The following SEMA7A variants were observed in gnomAD, a reference collection of about 807,000 sequenced individuals.
SEMA7A encodes the protein semaphorin-7A.
Under a neutral mutation model 67.5 loss-of-function variants are expected in SEMA7A, and 21 were observed. The ratio of observed to expected loss-of-function variants is 0.31; its 90% CI spans 0.22 to 0.45. SEMA7A has a LOEUF of 0.45. SEMA7A is among the 20% of genes least tolerant of loss of function. The pLI is 1.00. For synonymous variants in SEMA7A, 364 were observed against 368.5 expected (o/e 0.99, Z 0.14); for missense variants, 774 against 908.6 (o/e 0.85, Z 1.90).
intron 7 of SEMA7A, 110 bp from the exon 8 acceptor site, chr15:74,416,095 C>T (rs536103613): frequency 2.5e-6 from 3 of 1,212,778 alleles, no homozygotes; most frequent in Admixed American, 2.1e-5. Context: ...AGGAGGAAGG[C>T]AGGCTGTGAG....
rs985178735 is a variant in SEMA7A at position 74,417,810 on chromosome 15, C to T, written c.465+67G>A. ...TGGAGTCTCGCCATCTCCTTCCCAC[C>T]ATGAGGGGCAGAAGCCCACGCAGTA... On this transcript the variant is annotated intron_variant, in intron 4 of 13. Transcript: ENST00000261918. 10 of 1,579,396 alleles carry T rather than the reference C, an allele frequency of 6.3e-6. No homozygotes were observed. In the African/African-American group the frequency reaches 1.3e-4, roughly 21 times the overall value.
intron 1 of SEMA7A, among the ~76,000 whole-genome samples, chr15:74,430,300 C>T (rs770138257): frequency 9.9e-5 from 15 of 152,168 alleles, no homozygotes; most frequent in Non-Finnish European, 2.1e-4. Context: ...CCAGATTTCT[C>T]GAAATCTAAG....
intron 8 of SEMA7A, 26 bp downstream of exon 8, chr15:74,415,775 C>T (rs746508245): frequency 3.8e-6 from 6 of 1,594,180 alleles, no homozygotes; most frequent in Non-Finnish European, 5.1e-6. Flanking sequence ...AATGCCAGCC[C>T]CGGCCCCAGG....
In SEMA7A at chr15:74,411,221, C is replaced by T. The variant is rs2060896846; in HGVS notation, c.1639+74G>A. ...CCACAGGACAAGGCCATGTCTCCCT[C>T]AGACCAGGACAATCAGGGCAGGGCA... On this transcript the variant is annotated intron_variant, in intron 13 of 13. Coordinates refer to ENST00000261918, the MANE Select transcript of SEMA7A (RefSeq NM_003612.5). The surrounding 1 kb of genome is among the most constrained non-coding windows in gnomAD (Gnocchi z 4.4). 1 of 1,513,270 alleles carries T rather than the reference C, an allele frequency of 6.6e-7. No homozygotes were observed. Among genetic ancestry groups the T allele is most frequent in the South Asian group, 1.2e-5 (1 of 82,266 alleles). The allele number at this position is 1,513,270 out of a possible 1,614,324, so 93.7% of individuals were successfully genotyped here.
chr15:74,414,000 G>A (rs2060923785), intron 10 of SEMA7A, among the ~76,000 whole-genome samples: 1 of 152,200 alleles, frequency 6.6e-6, no homozygotes, highest in Non-Finnish European at 1.5e-5. Flanking sequence ...TCCCCCAGCA[G>A]GGCCTACTCC....
chr15:74,418,122 A>G, intron 3 of SEMA7A, 146 bp downstream of exon 3: 2 of 1,141,956 alleles, frequency 1.8e-6, no homozygotes, highest in Non-Finnish European at 2.6e-6. Context: ...TGTGCAGCTG[A>G]CGCCATCCCC....
chr15:74,413,362 T>G (rs567607086), intron 10 of SEMA7A, among the ~76,000 whole-genome samples: 1 of 152,244 alleles, frequency 6.6e-6, no homozygotes, highest in African/African-American at 2.4e-5. Context: ...ATACGAATGA[T>G]GCAGGCTCCA....
chr15:74,415,750 A>G (rs1374719245), intron 8 of SEMA7A, 51 bp downstream of exon 8: 2 of 1,538,504 alleles, frequency 1.3e-6, no homozygotes, highest in Admixed American at 1.9e-5. Flanking sequence ...TCCTGTCCCT[A>G]CTGGACACTG....
Position 74,418,261 on chromosome 15 carries a change from C to A in SEMA7A, c.372+7G>T, listed in dbSNP as rs201477259. 27 of 1,612,838 alleles carry A rather than the reference C, an allele frequency of 1.7e-5. No individual in the cohort carries two copies. Among genetic ancestry groups the A allele is most frequent in the South Asian group, 1.5e-4 (14 of 90,970 alleles). ...TCAGACCCCTCCATACCCCCTCCCCCACTCACCCGCTTATCCAGACAGGAC... is the reference window on the plus strand; with the variant it reads ...TCAGACCCCTCCATACCCCCTCCCCAACTCACCCGCTTATCCAGACAGGAC... On this transcript the variant is annotated splice_region_variant and intron_variant, in intron 3 of 13. Coordinates refer to ENST00000261918, the MANE Select transcript of SEMA7A (RefSeq NM_003612.5).
In SEMA7A at chr15:74,417,916, G is replaced by C; in HGVS notation, c.426C>G (p.Ala142=). Residue 142 remains alanine, a synonymous_variant, in exon 4 of 14, where the codon GCC becomes GCG. Coordinates refer to ENST00000261918, the MANE Select transcript of SEMA7A (RefSeq NM_003612.5). ...LLERRSEGLL[A]CGTNARHPSC... is the part of the protein sequence containing the mutation. ...TGGGGTGCCGGGCGTTGGTGCCACAGGCCAGCAGCCCCTCACTCCGCCTCT... is the reference window on the plus strand; with the variant it reads ...TGGGGTGCCGGGCGTTGGTGCCACACGCCAGCAGCCCCTCACTCCGCCTCT... 6.2e-7 allele frequency: 1 copy of C among 1,613,362 alleles called. No homozygotes were observed. Among genetic ancestry groups the C allele is most frequent in the Non-Finnish European group, 8.5e-7 (1 of 1,180,012 alleles).
chr15:74,416,077 G>A, intron 7 of SEMA7A, 92 bp from the exon 8 acceptor site: 4 of 1,329,078 alleles, frequency 3.0e-6, no homozygotes, highest in Non-Finnish European at 4.2e-6. Context: ...ATCAACACCT[G>A]GGCCCAGAGG....
Position 74,415,808 on chromosome 15 carries a change from T to C in SEMA7A, c.979A>G (p.Asn327Asp). Residue 327 changes from asparagine to aspartate, a missense_variant, in exon 8 of 14, where the codon AAC becomes GAC. Transcript: ENST00000261918. ...RDTRVYGVFS[N>D]PWNYSAVCVY... is the part of the protein sequence containing the mutation. The stretch of plus-strand genomic sequence containing the variant: ...AGGACAAGGGCCACTCACCAGGGGT[T>C]GGAGAAAACACCATAGACCCTGGTG... 6.2e-7 allele frequency: 1 copy of C among 1,612,768 alleles called. No individual in the cohort carries two copies. Among genetic ancestry groups the C allele is most frequent in the Non-Finnish European group, 8.5e-7 (1 of 1,179,380 alleles).
chr15:74,417,295 C>T (rs755358661), intron 6 of SEMA7A, 40 bp downstream of exon 6: 13 of 1,515,238 alleles, frequency 8.6e-6, no homozygotes, highest in South Asian at 3.4e-5. Context: ...AGTGCTCACA[C>T]CCCCTTGCCC....
rs371343346 is a variant in SEMA7A at position 74,417,963 on chromosome 15, C to T, written c.379G>A (p.Glu127Lys). The T allele has an allele frequency of 3.4e-5, 55 of 1,612,882 alleles. No homozygotes were observed. The highest frequency in any genetic ancestry group is 3.3e-5 in the Admixed American group (2 of 60,008). ...CTCTCCAGGAGAGTGATGTAGTTCT[C>T]GCAGTCCTGCCCGGGGAAGAGAGAA... Reference protein sequence around the residue: ...KGSCLDKRDCENYITLLERRS... With the variant: ...KGSCLDKRDCKNYITLLERRS... Residue 127 changes from glutamate to lysine, a missense_variant, in exon 4 of 14, where the codon GAG becomes AAG. Around this residue, in one of 2 missense-constraint regions of SEMA7A, gnomAD observed 347 missense variants for 353.2 expected, o/e 0.98. Transcript: ENST00000261918.
intron 6 of SEMA7A, 26 bp from the exon 7 acceptor site, chr15:74,416,740 G>A (rs377045764): frequency 1.5e-5 from 24 of 1,609,868 alleles, no homozygotes; most frequent in Middle Eastern, 1.7e-4. Flanking sequence ...GCGAGTGGGC[G>A]TAAGGCTGGG....
intron 1 of SEMA7A, among the ~76,000 whole-genome samples, chr15:74,431,416 A>T (rs142518100): frequency 6.6e-6 from 1 of 152,284 alleles, no homozygotes; most frequent in African/African-American, 2.4e-5. Flanking sequence ...TCCCTGCTTT[A>T]ATCTTTCTCT....
At position 74,410,735 on chromosome 15, in the gene SEMA7A, C is replaced by T. The variant is rs775855449; in HGVS notation, c.1890G>A (p.Leu630=). The change falls in exon 14 of 14, where the codon CTG becomes CTA. Residue 630 remains leucine (L), a synonymous_variant. Transcript: ENST00000261918. The surrounding 1 kb of genome is among the most constrained non-coding windows in gnomAD (Gnocchi z 7.5). The part of the protein sequence containing the change: ...YFREAQHWQL[L]PEDGIMAEHL... ...GCTCGGCCATGATGCCGTCCTCGGG[C>T]AGCAGCTGCCAGTGCTGAGCCTCGC... 6.2e-7 allele frequency: 1 copy of T among 1,613,910 alleles called. No individual in the cohort carries two copies. Among genetic ancestry groups the T allele is most frequent in the South Asian group, 1.1e-5 (1 of 91,084 alleles).
intron 1 of SEMA7A, among the ~76,000 whole-genome samples, chr15:74,430,581 T>G (rs1567080017): frequency 6.6e-6 from 1 of 152,188 alleles, no homozygotes; most frequent in Non-Finnish European, 1.5e-5. Context: ...GGACCTGCTC[T>G]CAGAATCTTC....
chr15:74,418,139 C>A, intron 3 of SEMA7A, 129 bp downstream of exon 3: 1 of 1,173,452 alleles, frequency 8.5e-7, no homozygotes. Flanking sequence ...CCCCTAAGCA[C>A]AGAGGACCAC....
Sources: allele counts gnomAD v4.1 joint callset (sites outside exome capture counted in the v4.1 genomes callset), GRCh38; gene constraint gnomAD v4.1.1; regional missense constraint gnomAD v4.1.1; non-coding constraint Gnocchi (gnomAD v3.1); transcripts MANE v1.5; gene names NCBI Gene and HGNC (gene_info 2026-07-23, HGNC 2026-07-21).